The following GPATCH8 variants were observed in gnomAD, a reference collection of about 807,000 sequenced individuals.
GPATCH8 encodes G-patch domain containing 8, also known as G patch domain-containing protein 8.
GPATCH8 carries 18 observed loss-of-function variants against 118.3 expected under a neutral mutation model. The observed-to-expected ratio is 0.15, with a 90% CI of 0.11 to 0.23. The LOEUF (loss-of-function observed/expected upper bound fraction) is 0.23, where lower values mean the gene tolerates loss of function less well. Among genes scored for constraint, GPATCH8 ranks in the 10% least tolerant of loss-of-function variants. The probability of loss-of-function intolerance (pLI) is 1.00; values close to 1 mark genes in which losing one functional copy is unlikely to be tolerated. For synonymous variants in GPATCH8, 659 were observed against 684.7 expected, an observed-to-expected ratio of 0.96 and a Z score of 0.59; for missense variants, 1,631 against 1,873.8, an observed-to-expected ratio of 0.87 and a Z score of 2.39.
chr17:44,447,319 T>C (rs2050923316), intron 3 of GPATCH8, among the ~76,000 whole-genome samples: 4 of 151,338 alleles, frequency 2.6e-5, no homozygotes, highest in Admixed American at 2.6e-4. Flanking sequence ...CCACCATGCC[T>C]GGCTAATTTT....
intron 1 of GPATCH8, among the ~76,000 whole-genome samples, chr17:44,493,132 A>C (rs1230378733): frequency 6.8e-6 from 1 of 148,046 alleles, no homozygotes; most frequent in Non-Finnish European, 1.5e-5. Flanking sequence ...GACTCACAAC[A>C]ACCTCTGCCT....
chr17:44,437,143 C>T (rs2050539252), intron 3 of GPATCH8, among the ~76,000 whole-genome samples: 1 of 152,046 alleles, frequency 6.6e-6, no homozygotes, highest in Admixed American at 6.6e-5. Flanking sequence ...TAAAAAGAAA[C>T]AATTAGTTGC....
chr17:44,493,037 T>C (rs1193292334), intron 1 of GPATCH8, among the ~76,000 whole-genome samples: 1 of 146,900 alleles, frequency 6.8e-6, no homozygotes, highest in Non-Finnish European at 1.5e-5. Context: ...ATTAAACCAA[T>C]GGTGGTAAGC....
intron 1 of GPATCH8, among the ~76,000 whole-genome samples, chr17:44,501,379 T>C (rs1189597945): frequency 6.6e-6 from 1 of 151,348 alleles, no homozygotes; most frequent in Non-Finnish European, 1.5e-5. Context: ...ATCGTGCCAC[T>C]GCACTCCAGC....
intron 3 of GPATCH8, among the ~76,000 whole-genome samples, chr17:44,446,147 A>C (rs2050872243): frequency 6.6e-6 from 1 of 151,790 alleles, no homozygotes; most frequent in South Asian, 2.1e-4. Flanking sequence ...ATGGTGTCTC[A>C]CTATGTTGCC....
chr17:44,440,157 A>C (rs997612095), intron 3 of GPATCH8, among the ~76,000 whole-genome samples: 21 of 152,306 alleles, frequency 1.4e-4, no homozygotes, highest in African/African-American at 5.1e-4. Flanking sequence ...ATTATTTAAA[A>C]TATATTAAAT....
In GPATCH8 at chr17:44,397,024, C is replaced by T. The variant is rs1396076582; in HGVS notation, c.*544G>A. On this transcript the variant is annotated 3_prime_UTR_variant, in exon 8 of 8. Coordinates refer to ENST00000591680, the MANE Select transcript of GPATCH8 (RefSeq NM_001002909.4). ...GAGTTATATCAGGTTCCAGGTGAGACGCTTTCCACCTCACCTGGGATAACG... is the reference window on the plus strand; with the variant it reads ...GAGTTATATCAGGTTCCAGGTGAGATGCTTTCCACCTCACCTGGGATAACG... 6 of 453,970 alleles carry T rather than the reference C, an allele frequency of 1.3e-5. No individual in the cohort carries two copies. The highest frequency in any genetic ancestry group is 6.9e-5 in the East Asian group (1 of 14,396). The allele number at this position is 453,970 out of a possible 1,614,324, so 28.1% of individuals were successfully genotyped here.
intron 3 of GPATCH8, among the ~76,000 whole-genome samples, chr17:44,446,394 G>T (rs575751419): frequency 1.6e-3 from 248 of 152,234 alleles, no homozygotes; most frequent in African/African-American, 5.7e-3. Context: ...GCGAAACCCA[G>T]TCTCTACTAA....
chr17:44,397,618 G>A lies in GPATCH8; in HGVS notation c.4459C>T (p.Pro1487Ser). The A allele has an allele frequency of 1.2e-6, 2 of 1,613,872 alleles. No individual in the cohort carries two copies. The highest frequency in any genetic ancestry group is 1.7e-6 in the Non-Finnish European group (2 of 1,179,872). Residue 1487 changes from proline (P) to serine (S), a missense_variant, in exon 8 of 8, where the codon CCC becomes TCC. This residue lies in a region of GPATCH8 where 65 missense variants were observed against 105.3 expected (regional missense o/e 0.62). Transcript: ENST00000591680. The stretch of plus-strand genomic sequence containing the variant: ...TGCAGGTCCTGACCTGAGAAGATGG[G>A]GTGAAGTAGTGGGTGAAGGTGAAGT... ...TALHLHPLLHPIFSGQDLQHP... is the reference protein window; with the variant it reads ...TALHLHPLLHSIFSGQDLQHP...
intron 1 of GPATCH8, among the ~76,000 whole-genome samples, chr17:44,475,702 AC>A (rs1967711079): frequency 1.3e-5 from 2 of 151,600 alleles, no homozygotes; most frequent in African/African-American, 4.9e-5. Flanking sequence ...TCAAAAACAA[AC>A]AAACAAACAA....
At chr17:44,491,992 T>TA (rs1276946487) in intron 1 of GPATCH8, among the ~76,000 whole-genome samples, 3 of 152,056 alleles carry the variant, frequency 2.0e-5, no homozygotes, top group Non-Finnish European at 2.9e-5. Flanking sequence ...ATTTCACTAG[T>TA]ATACTTAAAA....
chr17:44,469,743 T>C (rs545958418), intron 2 of GPATCH8, among the ~76,000 whole-genome samples: 13 of 152,166 alleles, frequency 8.5e-5, no homozygotes, highest in Non-Finnish European at 1.8e-4. Flanking sequence ...AAAAAAACTC[T>C]ATAGCTCACT....
Position 44,400,770 on chromosome 17 carries a change from T to G in GPATCH8, c.1307A>C (p.Lys436Thr), listed in dbSNP as rs1567934905. The G allele has an allele frequency of 1.9e-6, 3 of 1,614,010 alleles. No homozygotes were observed. The highest frequency in any genetic ancestry group is 8.5e-7 in the Non-Finnish European group (1 of 1,179,864). Residue 436 changes from lysine to threonine, a missense_variant, in exon 8 of 8, where the codon AAA becomes ACA. Transcript: ENST00000591680. ...THPKNAPESK[K>T]GSSPKPKSCI... ...GCTTTTAGGCTTGGGAGAACTGCCT[T>G]TTTTACTCTCTGGGGCATTCTTTGG...
intron 6 of GPATCH8, among the ~76,000 whole-genome samples, chr17:44,406,553 T>A (rs907223791): frequency 7.0e-6 from 1 of 142,734 alleles, no homozygotes; most frequent in African/African-American, 2.6e-5. Flanking sequence ...TATTTCACCA[T>A]AAAAAGGTGG....
rs1419872215 is a variant in GPATCH8 at position 44,397,113 on chromosome 17, G to C, written c.*455C>G. On this transcript the variant is annotated 3_prime_UTR_variant, in exon 8 of 8. Coordinates refer to ENST00000591680, the MANE Select transcript of GPATCH8 (RefSeq NM_001002909.4). ...TGGTGGCACTTCCACCACTAGAACA[G>C]CTTGGCCTTCCCTGTGGCGCTGAGA... 2.2e-6 allele frequency: 1 copy of C among 455,512 alleles called. No individual in the cohort carries two copies. Among genetic ancestry groups the C allele is most frequent in the East Asian group, 6.9e-5 (1 of 14,430 alleles). The allele number at this position is 455,512 out of a possible 1,614,324, so 28.2% of individuals were successfully genotyped here.
intron 2 of GPATCH8, among the ~76,000 whole-genome samples, chr17:44,470,656 T>C (rs900874148): frequency 6.6e-6 from 1 of 152,168 alleles, no homozygotes; most frequent in Non-Finnish European, 1.5e-5. Flanking sequence ...TGCACAGGCA[T>C]GTGCCACCAC....
chr17:44,419,679 GAGAC>G (rs1236531159), intron 6 of GPATCH8, among the ~76,000 whole-genome samples: 5 of 149,188 alleles, frequency 3.4e-5, no homozygotes, highest in Admixed American at 2.7e-4. Context: ...TTTTTTTAGA[GAGAC>G]AGAGTCTTGC....
chr17:44,434,692 A>G (rs2144025709), intron 5 of GPATCH8, among the ~76,000 whole-genome samples: 1 of 152,364 alleles, frequency 6.6e-6, no homozygotes, highest in African/African-American at 2.4e-5. Flanking sequence ...TGGGGTTACA[A>G]GTGTGAGCCA....
chr17:44,455,945 C>T (rs2051313718), intron 3 of GPATCH8, among the ~76,000 whole-genome samples: 2 of 152,084 alleles, frequency 1.3e-5, no homozygotes, highest in African/African-American at 4.8e-5. Context: ...TGGGGTTTCG[C>T]CATGTTAGCC....
Sources: gnomAD v4.1 joint callset for allele counts (sites outside exome capture counted in the v4.1 genomes callset) on GRCh38, gnomAD v4.1.1 for gene constraint, gnomAD v4.1.1 regional missense constraint, MANE v1.5 for transcripts, NCBI Gene and HGNC (gene_info 2026-07-23, HGNC 2026-07-21) for gene names.